The following DPP6 variants were observed in gnomAD, a reference collection of about 807,000 sequenced individuals.
DPP6 encodes the protein dipeptidyl peptidase like 6, also known as A-type potassium channel modulatory protein DPP6.
DPP6 carries 69 observed loss-of-function variants against 122.6 expected under a neutral mutation model. That is an observed-to-expected ratio of 0.56 (90% confidence interval 0.46 to 0.69). DPP6 has a LOEUF of 0.69. DPP6 is among the 30% of genes least tolerant of loss of function. The pLI, the probability that DPP6 is intolerant of heterozygous loss-of-function variation, is 0.00. For synonymous variants in DPP6, 418 were observed against 433.1 expected, an observed-to-expected ratio of 0.97 and a Z score of 0.43; for missense variants, 928 against 1,116.9, an observed-to-expected ratio of 0.83 and a Z score of 2.41.
chr7:154,861,744 G>GT (rs1803415860), intron 17 of DPP6, among the ~76,000 whole-genome samples: 1 of 152,084 alleles, frequency 6.6e-6, no homozygotes, highest in Non-Finnish European at 1.5e-5. Flanking sequence ...GGGTGTGGTG[G>GT]TTTTTCACTC....
intron 7 of DPP6, among the ~76,000 whole-genome samples, chr7:154,684,763 CCATA>C (rs1159434861): frequency 6.6e-6 from 1 of 152,196 alleles, no homozygotes; most frequent in African/African-American, 2.4e-5. Flanking sequence ...TTCTCCATGG[CCATA>C]CAAAGTCGTG....
chr7:154,453,323 C>T (rs144733341), intron 2 of DPP6, among the ~76,000 whole-genome samples: 12 of 152,092 alleles, frequency 7.9e-5, no homozygotes, highest in African/African-American at 2.9e-4. Flanking sequence ...GGGTTAAGGC[C>T]AAGCACAGGT....
At chr7:154,814,991 G>A (rs1052371724) in intron 16 of DPP6, among the ~76,000 whole-genome samples, 1 of 152,096 alleles carries the variant, frequency 6.6e-6, no homozygotes, top group African/African-American at 2.4e-5. Flanking sequence ...ACATTCACAG[G>A]AACCGAGGGT....
chr7:154,208,965 A>G (rs11768690), intron 1 of DPP6, among the ~76,000 whole-genome samples: 17,578 of 152,156 alleles, frequency 0.12, 2,476 homozygotes, highest in African/African-American at 0.34. Flanking sequence ...ATGCACATGG[A>G]CACACACACT....
chr7:154,859,308 A>G (rs1405980734), intron 17 of DPP6, among the ~76,000 whole-genome samples: 1 of 152,226 alleles, frequency 6.6e-6, no homozygotes, highest in African/African-American at 2.4e-5. Context: ...CCCATGGCCT[A>G]CAGCTGGGCA....
intron 8 of DPP6, among the ~76,000 whole-genome samples, chr7:154,758,182 T>C (rs1455988154): frequency 1.3e-5 from 2 of 152,264 alleles, no homozygotes; most frequent in African/African-American, 4.8e-5. Flanking sequence ...TGGAGTTCTG[T>C]CAGGTGGCAG....
chr7:154,680,997 ATTT>A (rs1839246357), intron 7 of DPP6, among the ~76,000 whole-genome samples: 1 of 152,192 alleles, frequency 6.6e-6, no homozygotes, highest in Non-Finnish European at 1.5e-5. Flanking sequence ...TCTAAAAATT[ATTT>A]TTAATTGATA....
chr7:154,220,637 C>G (rs530527674), intron 1 of DPP6, among the ~76,000 whole-genome samples: 49 of 152,316 alleles, frequency 3.2e-4, no homozygotes, highest in Non-Finnish European at 6.5e-4. Flanking sequence ...GATGCCACAT[C>G]TCGTAAGACA....
At chr7:154,535,256 A>C (rs1248192513) in intron 3 of DPP6, among the ~76,000 whole-genome samples, 1 of 152,182 alleles carries the variant, frequency 6.6e-6, no homozygotes, top group Non-Finnish European at 1.5e-5. Flanking sequence ...AAAGAGCTAA[A>C]ATTATTAGAA....
intron 1 of DPP6, among the ~76,000 whole-genome samples, chr7:153,989,203 G>A (rs913686133): frequency 7.2e-6 from 1 of 138,746 alleles, no homozygotes; most frequent in African/African-American, 2.6e-5. Context: ...GTGGGTGGGT[G>A]GGTGTGAAAA....
chr7:153,830,525 T>G, the DPP6 span, among the ~76,000 whole-genome samples: 1 of 152,206 alleles, frequency 6.6e-6, no homozygotes, highest in African/African-American at 2.4e-5. Flanking sequence ...AAGACAGCCT[T>G]TGGTAGACCC....
intron 1 of DPP6, among the ~76,000 whole-genome samples, chr7:154,348,110 A>G (rs886649269): frequency 3.3e-5 from 5 of 152,104 alleles, no homozygotes; most frequent in Non-Finnish European, 5.9e-5. Flanking sequence ...TGATGCTGCA[A>G]AGTTCTCCCA....
chr7:154,661,942 G>A (rs1217232824), intron 6 of DPP6, among the ~76,000 whole-genome samples: 3 of 133,708 alleles, frequency 2.2e-5, no homozygotes, highest in Non-Finnish European at 1.6e-5. Context: ...GCGTATTGGC[G>A]GTAGTGTTCA....
chr7:154,001,935 C>T (rs966390347), intron 1 of DPP6, among the ~76,000 whole-genome samples: 10 of 151,866 alleles, frequency 6.6e-5, no homozygotes, highest in African/African-American at 1.9e-4. Context: ...GATGTTACCA[C>T]GGAGCATGGA....
intron 5 of DPP6, among the ~76,000 whole-genome samples, chr7:154,635,213 C>A (rs1339340086): frequency 6.6e-6 from 1 of 152,150 alleles, no homozygotes; most frequent in Admixed American, 6.5e-5. Context: ...TAAATGAGTT[C>A]TTGCATGGTA....
At chr7:154,808,404 A>C (rs976358320) in intron 16 of DPP6, among the ~76,000 whole-genome samples, 1 of 152,152 alleles carries the variant, frequency 6.6e-6, no homozygotes, top group Non-Finnish European at 1.5e-5. Flanking sequence ...GTGCGACTGA[A>C]ATATAACATT....
Position 154,187,699 on chromosome 7 carries a change from T to C in DPP6, c.243+134636T>C, listed in dbSNP as rs150074750. Among the ~76,000 whole-genome samples the C allele has an allele frequency of 4.5e-3, 691 of 152,282 alleles. 6 individuals are homozygous for C. The highest frequency in any genetic ancestry group is 0.016 in the African/African-American group (659 of 41,552). ...AGAAATCCTGGTTTAATCCTATCTTTCCTATGGTTTTGCCCAAAGTGGTCA... is the reference window on the plus strand; with the variant it reads ...AGAAATCCTGGTTTAATCCTATCTTCCCTATGGTTTTGCCCAAAGTGGTCA... On this transcript the variant is annotated intron_variant, in intron 1 of 25. Transcript: ENST00000377770.
At chr7:154,781,357 G>C (rs542224086) in intron 10 of DPP6, among the ~76,000 whole-genome samples, 2 of 152,162 alleles carry the variant, frequency 1.3e-5, no homozygotes, top group Non-Finnish European at 2.9e-5. Flanking sequence ...CAGTCCCTAA[G>C]GCGCGTTCTC....
At chr7:153,850,582 C>A in the DPP6 span, among the ~76,000 whole-genome samples, 4 of 152,058 alleles carry the variant, frequency 2.6e-5, no homozygotes, top group African/African-American at 9.7e-5. Flanking sequence ...TAAAGACATA[C>A]CCTAGATTGT....
Sources: allele counts gnomAD v4.1 joint callset (sites outside exome capture counted in the v4.1 genomes callset), GRCh38; gene constraint gnomAD v4.1.1; transcripts MANE v1.5; gene names NCBI Gene and HGNC (gene_info 2026-07-23, HGNC 2026-07-21).